Variants in CNBD2 observed in about 807,000 individuals in gnomAD.
CNBD2 encodes the protein cyclic nucleotide binding domain containing 2.
Under a neutral mutation model 63.7 loss-of-function variants are expected in CNBD2, and 64 were observed. The observed-to-expected ratio is 1.00, with a 90% confidence interval of 0.82 to 1.24. The LOEUF (loss-of-function observed/expected upper bound fraction) is 1.24, where lower values mean the gene tolerates loss of function less well. Among genes scored for constraint, CNBD2 ranks in the 50% most tolerant of loss-of-function variants. CNBD2 has a pLI of 0.00. For missense variants in CNBD2, 691 were observed against 713.5 expected (o/e 0.97, Z 0.36); for synonymous variants, 229 against 255.4 (o/e 0.90, Z 0.99).
At chr20:35,986,955 C>T (rs1222918053) in intron 6 of CNBD2, among the ~76,000 whole-genome samples, 2 of 152,192 alleles carry the variant, frequency 1.3e-5, no homozygotes, top group Non-Finnish European at 2.9e-5. Flanking sequence ...GCCAGGGGGA[C>T]ACAAGGGTTG....
At chr20:35,956,028 G>A (rs1188702088), downstream of CNBD2, among the ~76,000 whole-genome samples, 1 of 152,156 alleles carries the variant, frequency 6.6e-6, no homozygotes, top group Non-Finnish European at 1.5e-5. Context: ...GCCACAAATA[G>A]GTTTTATATC....
chr20:35,954,634 C>T (rs1489526812), upstream of CNBD2: 2 of 1,311,628 alleles, frequency 1.5e-6, no homozygotes, highest in Non-Finnish European at 2.0e-6. Context: ...GTGGCCTGGG[C>T]TCCTTCCGAA....
At chr20:35,995,844 A>G (rs2056817638) in intron 8 of CNBD2, among the ~76,000 whole-genome samples, 1 of 152,164 alleles carries the variant, frequency 6.6e-6, no homozygotes, top group Non-Finnish European at 1.5e-5. Flanking sequence ...CTATTTCTAT[A>G]ACTGAATATC....
chr20:35,983,479 G>C lies in CNBD2; in HGVS notation c.408-503G>C, dbSNP rs529012341. 3.0e-3 allele frequency among the ~76,000 whole-genome samples: 454 copies of C among 152,178 alleles called. 1 individual carries two copies. The highest frequency in any genetic ancestry group is 4.2e-3 in the Non-Finnish European group (285 of 68,006). On this transcript the variant is annotated intron_variant, in intron 4 of 11. Transcript: ENST00000373973. Reference sequence around the variant, plus strand: ...AGTGGGCTGCTGGTAATTATGATAAGACCATTATCTGTGTCTCATTCTAGG... The same window carrying C: ...AGTGGGCTGCTGGTAATTATGATAACACCATTATCTGTGTCTCATTCTAGG...
rs181855267 is a variant in CNBD2 at position 36,018,852 on chromosome 20, C to T, written c.1270-4750C>T. Among the ~76,000 whole-genome samples, 51 of 152,312 alleles carry T rather than the reference C, an allele frequency of 3.3e-4. 2 individuals carry two copies. The South Asian group carries it at 5.0e-3, about 15-fold the overall frequency. On this transcript the variant is annotated intron_variant, in intron 10 of 11. Transcript: ENST00000373973. Reference sequence around the variant, plus strand: ...CTTCTAATAGTTAGCTGTGTGGCCACGGGCAAATCACTTTCCCTTTCTGAA... The same window carrying T: ...CTTCTAATAGTTAGCTGTGTGGCCATGGGCAAATCACTTTCCCTTTCTGAA...
chr20:35,999,824 C>G (rs1353640208), intron 8 of CNBD2, among the ~76,000 whole-genome samples: 1 of 151,882 alleles, frequency 6.6e-6, no homozygotes, highest in Non-Finnish European at 1.5e-5. Context: ...ATTATAGGTG[C>G]CTGCCACCAT....
intron 8 of CNBD2, among the ~76,000 whole-genome samples, chr20:35,999,515 C>A (rs2056868618): frequency 6.6e-6 from 1 of 152,022 alleles, no homozygotes; most frequent in African/African-American, 2.4e-5. Flanking sequence ...CACAGTCTAC[C>A]TTTAAGTGAT....
At chr20:36,001,681 G>A (rs1240152740) in intron 8 of CNBD2, among the ~76,000 whole-genome samples, 11 of 150,446 alleles carry the variant, frequency 7.3e-5, no homozygotes, top group Non-Finnish European at 1.0e-4. Context: ...CTTCTCAGAC[G>A]GGGCGGCCGG....
At chr20:36,012,749 G>A (rs996094000) in intron 10 of CNBD2, among the ~76,000 whole-genome samples, 6 of 149,934 alleles carry the variant, frequency 4.0e-5, no homozygotes, top group African/African-American at 1.2e-4. Context: ...TTGAACCTAG[G>A]AGGCGGAGGT....
chr20:36,001,583 G>C (rs904551882), intron 8 of CNBD2, among the ~76,000 whole-genome samples: 3 of 149,312 alleles, frequency 2.0e-5, no homozygotes, highest in Non-Finnish European at 4.5e-5. Context: ...GGGCGGAGGG[G>C]CTCCTCACTT....
chr20:36,003,874 GAA>G (rs111493744), intron 8 of CNBD2, among the ~76,000 whole-genome samples: 2 of 138,678 alleles, frequency 1.4e-5, no homozygotes, highest in African/African-American at 5.4e-5. Flanking sequence ...GACTCCATCT[GAA>G]AAAAAAAAAA....
chr20:36,006,296 G>A (rs1311527784), intron 8 of CNBD2, among the ~76,000 whole-genome samples: 1 of 151,830 alleles, frequency 6.6e-6, no homozygotes, highest in Non-Finnish European at 1.5e-5. Flanking sequence ...CCAAAGTGCT[G>A]GGATTATAGG....
intron 7 of CNBD2, among the ~76,000 whole-genome samples, chr20:35,988,929 C>A (rs544442032): frequency 4.3e-4 from 65 of 152,120 alleles, no homozygotes; most frequent in Non-Finnish European, 8.2e-4. Flanking sequence ...TTGTTTATGA[C>A]CTACATTTTA....
At chr20:36,003,797 T>G (rs750352806) in intron 8 of CNBD2, among the ~76,000 whole-genome samples, 7 of 151,972 alleles carry the variant, frequency 4.6e-5, no homozygotes, top group Non-Finnish European at 1.0e-4. Context: ...AACCAGCTAC[T>G]TGGGAGGCTG....
Position 35,969,915 on chromosome 20 carries a change from A to G in CNBD2, c.51+1102A>G, listed in dbSNP as rs1410253254. Reference sequence around the variant, plus strand: ...TCAACATGGTTGTACCATGTTTCCCAGTTCCCAGTGATAAGTGCAAAATAG... The same window carrying G: ...TCAACATGGTTGTACCATGTTTCCCGGTTCCCAGTGATAAGTGCAAAATAG... On this transcript the variant is annotated intron_variant, in intron 1 of 11. Transcript: ENST00000373973. 2.0e-5 allele frequency among the ~76,000 whole-genome samples: 3 copies of G among 152,216 alleles called. No homozygotes were observed. The East Asian group carries it at 5.8e-4, about 29-fold the overall frequency.
At chr20:36,022,867 G>A (rs1391039500) in intron 10 of CNBD2, among the ~76,000 whole-genome samples, 2 of 151,998 alleles carry the variant, frequency 1.3e-5, no homozygotes, top group Admixed American at 1.3e-4. Context: ...TGATCCACCC[G>A]CCTGGGCCTC....
chr20:35,975,415 C>T, intron 2 of CNBD2, among the ~76,000 whole-genome samples: 1 of 112,640 alleles, frequency 8.9e-6, no homozygotes, highest in Non-Finnish European at 1.9e-5. Flanking sequence ...ATTCTCCTGC[C>T]TCAGCCTCCC....
chr20:35,957,975 C>T (rs1208875201), downstream of CNBD2, among the ~76,000 whole-genome samples: 1 of 152,180 alleles, frequency 6.6e-6, no homozygotes, highest in Non-Finnish European at 1.5e-5. Flanking sequence ...ATGTGGATTG[C>T]AGACCATCCC....
chr20:35,978,188 GT>G (rs1197795653), intron 3 of CNBD2, among the ~76,000 whole-genome samples: 1 of 152,052 alleles, frequency 6.6e-6, no homozygotes, highest in Non-Finnish European at 1.5e-5. Flanking sequence ...TTTATTTTTA[GT>G]TTTTGAGACA....
Sources: allele counts gnomAD v4.1 joint callset (sites outside exome capture counted in the v4.1 genomes callset), GRCh38; gene constraint gnomAD v4.1.1; transcripts MANE v1.5; gene names NCBI Gene and HGNC (gene_info 2026-07-23, HGNC 2026-07-21).